TFDP1: variants seen among roughly 807,000 people sequenced by gnomAD.
The protein encoded by TFDP1 is DRTF1-polypeptide 1.
In TFDP1, 6 loss-of-function variants were observed where a neutral mutation model predicts 48.0. The observed-to-expected ratio is 0.13, with a 90% CI of 0.07 to 0.25. TFDP1 has a LOEUF of 0.25. Among genes scored for constraint, TFDP1 ranks in the 10% least tolerant of loss-of-function variants. The probability of loss-of-function intolerance (pLI) is 1.00; values close to 1 mark genes in which losing one functional copy is unlikely to be tolerated. For synonymous variants in TFDP1, 201 were observed against 211.6 expected (o/e 0.95, Z 0.44); for missense variants, 335 against 543.0 (o/e 0.62, Z 3.81).
At chr13:113,634,381 G>A (rs1268655747) in intron 7 of TFDP1, 153 bp from the exon 8 acceptor site, 1 of 690,230 alleles carries the variant, frequency 1.4e-6, no homozygotes, top group African/African-American at 1.8e-5. Context: ...CCTATATCTT[G>A]TAGCACCTGC....
intron 9 of TFDP1, among the ~76,000 whole-genome samples, 172 bp downstream of exon 9, chr13:113,636,300 G>C (rs2140639747): frequency 6.6e-6 from 1 of 152,390 alleles, no homozygotes; most frequent in Middle Eastern, 3.4e-3. Context: ...GCAGATGGAA[G>C]GTCTCTGTTC....
chr13:113,627,248 G>A lies in TFDP1; in HGVS notation c.186+3962G>A, dbSNP rs549116610. Among the ~76,000 whole-genome samples, 1 of 152,326 alleles carries A rather than the reference G, an allele frequency of 6.6e-6. No individual in the cohort carries two copies. Among genetic ancestry groups the A allele is most frequent in the Non-Finnish European group, 1.5e-5 (1 of 68,034 alleles). ...GTCAGCAGGCGCAGGGCTTGTCAAG[G>A]TCAGGGTCTTTTGAGGTGCGGATGC... On this transcript the variant is annotated intron_variant, in intron 4 of 11. Transcript: ENST00000375370. This position sits in a 1 kb window ranked among gnomAD's most constrained non-coding sequence, Gnocchi z 4.1.
At chr13:113,634,374 A>T in intron 7 of TFDP1, 160 bp from the exon 8 acceptor site, 1 of 676,778 alleles carries the variant, frequency 1.5e-6, no homozygotes, top group Non-Finnish European at 2.6e-6. Context: ...AAACTCACCT[A>T]TATCTTGTAG....
intron 2 of TFDP1, among the ~76,000 whole-genome samples, chr13:113,604,230 G>A (rs1472946313): frequency 1.3e-5 from 2 of 151,882 alleles, no homozygotes; most frequent in East Asian, 3.9e-4. Flanking sequence ...AGTTCCTGTG[G>A]GTCACAGCCC....
intron 10 of TFDP1, 141 bp downstream of exon 10, chr13:113,636,841 CTG>C: frequency 9.5e-7 from 1 of 1,057,912 alleles, no homozygotes; most frequent in Non-Finnish European, 1.3e-6. Flanking sequence ...GACAAAGGGG[CTG>C]TGAGGGGGAT....
At position 113,599,113 on chromosome 13, in the gene TFDP1, TAA is replaced by T. The variant is rs2048350644; in HGVS notation, c.13-11881_13-11880del. On this transcript the variant is annotated intron_variant, in intron 2 of 11. Transcript: ENST00000375370. ...CACATGTACAGTACGGAATTCTAAA[TAA>T]ATGAACTCACATGTTTTGTTCACTG... 2.0e-5 allele frequency among the ~76,000 whole-genome samples: 3 copies of T among 152,170 alleles called. No individual in the cohort carries two copies. In the South Asian group the frequency reaches 6.2e-4, roughly 32 times the overall value.
In TFDP1 at chr13:113,623,606, C is replaced by G. The variant is rs376474337; in HGVS notation, c.186+320C>G. 6.6e-6 allele frequency among the ~76,000 whole-genome samples: 1 copy of G among 152,100 alleles called. No homozygotes were observed. On this transcript the variant is annotated intron_variant, in intron 4 of 11. Coordinates refer to ENST00000375370, the MANE Select transcript of TFDP1 (RefSeq NM_007111.5). This position sits in a 1 kb window ranked among gnomAD's most constrained non-coding sequence, Gnocchi z 5.2. Reference sequence around the variant, plus strand: ...GCAGCTTCCTTTTAGTGTCAGAGCTCGAAGCTCTTCATCTAACAGGGGCTT... The same window carrying G: ...GCAGCTTCCTTTTAGTGTCAGAGCTGGAAGCTCTTCATCTAACAGGGGCTT...
Position 113,640,117 on chromosome 13 carries a change from C to A in TFDP1, c.1086-3C>A. The A allele has an allele frequency of 6.3e-7, 1 of 1,598,036 alleles. No homozygotes were observed. The highest frequency in any genetic ancestry group is 8.5e-7 in the Non-Finnish European group (1 of 1,173,814). On this transcript the variant is annotated splice_polypyrimidine_tract_variant and splice_region_variant and intron_variant, in intron 11 of 11. Transcript: ENST00000375370. ...ACGGCGCCATCCGCCTCCTGCCTTGCAGTGACCTGACCAACGGTGCAGATG... is the reference window on the plus strand; with the variant it reads ...ACGGCGCCATCCGCCTCCTGCCTTGAAGTGACCTGACCAACGGTGCAGATG...
At position 113,598,742 on chromosome 13, in the gene TFDP1, C is replaced by T. The variant is rs952720445; in HGVS notation, c.13-12254C>T. Among the ~76,000 whole-genome samples the T allele has an allele frequency of 1.3e-5, 2 of 152,158 alleles. No individual in the cohort carries two copies. The highest frequency in any genetic ancestry group is 4.8e-5 in the African/African-American group (2 of 41,424). On this transcript the variant is annotated intron_variant, in intron 2 of 11. Transcript: ENST00000375370. The surrounding 1 kb of genome is among the most constrained non-coding windows in gnomAD (Gnocchi z 4.2). Reference sequence around the variant, plus strand: ...GGGGCCGGGAGGAGGCGTTCTCTGCCCCTACGTGGCTCACACTGTGGTTCT... The same window carrying T: ...GGGGCCGGGAGGAGGCGTTCTCTGCTCCTACGTGGCTCACACTGTGGTTCT...
At chr13:113,638,425 C>T (rs757205442) in intron 11 of TFDP1, among the ~76,000 whole-genome samples, 1 of 151,712 alleles carries the variant, frequency 6.6e-6, no homozygotes, top group Non-Finnish European at 1.5e-5. Context: ...GCCATCACGG[C>T]GCACGTGTTT....
At chr13:113,597,278 C>T (rs1263181291) in intron 2 of TFDP1, among the ~76,000 whole-genome samples, 1 of 152,242 alleles carries the variant, frequency 6.6e-6, no homozygotes, top group East Asian at 1.9e-4. Context: ...AAGTTAGCTG[C>T]TATGATAAAT....
intron 3 of TFDP1, among the ~76,000 whole-genome samples, chr13:113,616,000 C>T (rs571249360): frequency 2.5e-4 from 38 of 152,080 alleles, no homozygotes; most frequent in African/African-American, 6.3e-4. Context: ...GTCAGGAGCT[C>T]AAGACCAGCC....
At chr13:113,631,535 T>C in intron 4 of TFDP1, 88 bp from the exon 5 acceptor site, 1 of 1,487,474 alleles carries the variant, frequency 6.7e-7, no homozygotes. Context: ...AATTCAGCAG[T>C]GGCTGCGGAT....
At chr13:113,639,073 A>G (rs369474080) in intron 11 of TFDP1, among the ~76,000 whole-genome samples, 44 of 152,314 alleles carry the variant, frequency 2.9e-4, no homozygotes, top group African/African-American at 1.0e-3. Flanking sequence ...GAGACTGGTG[A>G]TTGATGAGTT....
At chr13:113,594,033 TC>T (rs912730472) in intron 2 of TFDP1, among the ~76,000 whole-genome samples, 1 of 127,634 alleles carries the variant, frequency 7.8e-6, no homozygotes, top group Non-Finnish European at 1.6e-5. Flanking sequence ...TGTGTGCAGG[TC>T]CTCACCCACC....
intron 2 of TFDP1, among the ~76,000 whole-genome samples, chr13:113,601,675 G>C (rs2048430570): frequency 6.6e-6 from 1 of 152,240 alleles, no homozygotes; most frequent in Admixed American, 6.5e-5. Flanking sequence ...CGAGGCTGGG[G>C]TCCCAGGCCC....
chr13:113,605,797 G>T (rs147699005), intron 2 of TFDP1, among the ~76,000 whole-genome samples: 2 of 152,362 alleles, frequency 1.3e-5, no homozygotes, highest in Non-Finnish European at 2.9e-5. Context: ...GGAGAAGGTG[G>T]CACGGTGGTG....
intron 2 of TFDP1, among the ~76,000 whole-genome samples, chr13:113,593,465 G>T (rs1275373667): frequency 6.8e-6 from 1 of 146,420 alleles, no homozygotes; most frequent in Non-Finnish European, 1.5e-5. Flanking sequence ...GGTGACAGGT[G>T]TGGTGTGCGC....
At chr13:113,602,520 G>GTTTTAAC (rs1288779380) in intron 2 of TFDP1, among the ~76,000 whole-genome samples, 1 of 152,204 alleles carries the variant, frequency 6.6e-6, no homozygotes, top group Non-Finnish European at 1.5e-5. Flanking sequence ...GCAGTTTAAT[G>GTTTTAAC]TGCAGTGCAA....
Sources: gnomAD v4.1 joint callset for allele counts (sites outside exome capture counted in the v4.1 genomes callset) on GRCh38, gnomAD v4.1.1 for gene constraint, Gnocchi (gnomAD v3.1) non-coding constraint, MANE v1.5 for transcripts, NCBI Gene and HGNC (gene_info 2026-07-23, HGNC 2026-07-21) for gene names.